ERBB4: variants seen among roughly 807,000 people sequenced by gnomAD.
ERBB4 encodes the protein erb-b2 receptor tyrosine kinase 4.
In ERBB4, 42 loss-of-function variants were observed where a neutral mutation model predicts 158.0. The ratio of observed to expected loss-of-function variants is 0.27; its 90% CI spans 0.21 to 0.34. The LOEUF (loss-of-function observed/expected upper bound fraction) is 0.34, where lower values mean the gene tolerates loss of function less well. Among genes scored for constraint, ERBB4 ranks in the 10% least tolerant of loss-of-function variants. The pLI, the probability that ERBB4 is intolerant of heterozygous loss-of-function variation, is 1.00. For synonymous variants in ERBB4, 583 were observed against 558.7 expected (o/e 1.04, Z -0.61); for missense variants, 1,333 against 1,624.1 (o/e 0.82, Z 3.08).
chr2:212,300,451 G>A lies in ERBB4; in HGVS notation c.83-175548C>T, dbSNP rs1169692538. On this transcript the variant is annotated intron_variant, in intron 1 of 27. Coordinates refer to ENST00000342788, the MANE Select transcript of ERBB4 (RefSeq NM_005235.3). ...TTTTTTAAGCAAGAGCTTCACAAAT[G>A]TGACCCTAAAATTTTAAGTAGAGTA... Among the ~76,000 whole-genome samples the A allele has an allele frequency of 3.3e-5, 5 of 151,690 alleles. No individual in the cohort carries two copies. The South Asian group carries it at 1.0e-3, about 31-fold the overall frequency.
At chr2:211,498,517 T>C (rs2065532948) in intron 20 of ERBB4, among the ~76,000 whole-genome samples, 1 of 152,148 alleles carries the variant, frequency 6.6e-6, no homozygotes. Context: ...ATTGTACTAA[T>C]TTCCCATTCA....
intron 1 of ERBB4, among the ~76,000 whole-genome samples, chr2:212,271,762 G>T (rs1432037146): frequency 6.6e-6 from 1 of 151,702 alleles, no homozygotes; most frequent in African/African-American, 2.4e-5. Context: ...AATTCCTCCA[G>T]ATAGAGTTGG....
intron 24 of ERBB4, among the ~76,000 whole-genome samples, chr2:211,421,327 T>C (rs1480272090): frequency 1.3e-5 from 2 of 151,954 alleles, no homozygotes; most frequent in Non-Finnish European, 2.9e-5. Flanking sequence ...AAATAAAGGC[T>C]ACCTTGCTTT....
At chr2:212,002,225 G>C (rs916266076) in intron 2 of ERBB4, among the ~76,000 whole-genome samples, 12 of 152,250 alleles carry the variant, frequency 7.9e-5, no homozygotes, top group Non-Finnish European at 1.6e-4. Context: ...AAAGTTTCCA[G>C]AGACTAGATG....
At chr2:211,872,065 T>C (rs1348173012) in intron 3 of ERBB4, among the ~76,000 whole-genome samples, 3 of 129,552 alleles carry the variant, frequency 2.3e-5, no homozygotes, top group Admixed American at 8.4e-5. Context: ...CAATAATTGC[T>C]TTTAATGATT....
chr2:211,453,054 A>G (rs2064288946), intron 20 of ERBB4, among the ~76,000 whole-genome samples: 3 of 152,122 alleles, frequency 2.0e-5, no homozygotes, highest in African/African-American at 4.8e-5. Context: ...TTTCTCTACT[A>G]CCAGATTGCA....
chr2:211,542,264 C>T (rs1016850332), intron 20 of ERBB4, among the ~76,000 whole-genome samples: 1 of 151,982 alleles, frequency 6.6e-6, no homozygotes. Flanking sequence ...GCTTGAGCAT[C>T]AGAATGAAGC....
intron 1 of ERBB4, among the ~76,000 whole-genome samples, chr2:212,278,955 G>A (rs1458647790): frequency 6.6e-6 from 1 of 151,496 alleles, no homozygotes; most frequent in East Asian, 1.9e-4. Context: ...GATCATAAAA[G>A]TTTTGGATGG....
chr2:211,481,508 A>G (rs1574575357), intron 20 of ERBB4, among the ~76,000 whole-genome samples: 1 of 151,724 alleles, frequency 6.6e-6, no homozygotes, highest in African/African-American at 2.4e-5. Flanking sequence ...ATAAGGTAAC[A>G]CACCAGGGCT....
chr2:211,604,071 A>T (rs1364150742), intron 19 of ERBB4, among the ~76,000 whole-genome samples: 2 of 152,196 alleles, frequency 1.3e-5, no homozygotes, highest in Non-Finnish European at 2.9e-5. Flanking sequence ...TTTCCTTGAC[A>T]CACTGCAGAT....
rs202029180 is a variant in ERBB4, at chr2:211,603,587, G to A, written c.2301+15590C>T. Among the ~76,000 whole-genome samples the A allele has an allele frequency of 3.1e-3, 476 of 152,278 alleles. 3 individuals are homozygous for A. Among genetic ancestry groups the A allele is most frequent in the South Asian group, 0.016 (75 of 4,828 alleles). ...AGAAGTATTAATTAAGTTTTTAGCA[G>A]TCACTTATCAGGTTGCCTCTCAAGT... On this transcript the variant is annotated intron_variant, in intron 19 of 27. Coordinates refer to ENST00000342788, the MANE Select transcript of ERBB4 (RefSeq NM_005235.3).
intron 15 of ERBB4, among the ~76,000 whole-genome samples, chr2:211,663,904 T>G (rs1305145703): frequency 6.6e-6 from 1 of 152,180 alleles, no homozygotes; most frequent in Non-Finnish European, 1.5e-5. Context: ...TTGTTTTTTT[T>G]TGTGAAATAC....
intron 1 of ERBB4, among the ~76,000 whole-genome samples, chr2:212,150,610 A>T (rs547883916): frequency 6.6e-6 from 1 of 152,156 alleles, no homozygotes; most frequent in South Asian, 2.1e-4. Context: ...TGAGAATCCA[A>T]TGGGTTAAGA....
At chr2:211,417,473 CAAAAAAGAA>C (rs1465964691) in intron 25 of ERBB4, among the ~76,000 whole-genome samples, 1 of 151,396 alleles carries the variant, frequency 6.6e-6, no homozygotes, top group African/African-American at 2.4e-5. Context: ...GATCCTGTCT[CAAAAAAGAA>C]AAAATTTTAA....
At chr2:212,009,054 GTTATATGTTTTTCTAAACAGAAATTT>G (rs2076320976) in intron 2 of ERBB4, among the ~76,000 whole-genome samples, 3 of 1,292 alleles carry the variant, frequency 2.3e-3, no homozygotes, top group Non-Finnish European at 7.7e-3. Flanking sequence ...AGAAATTTTA[GTTATATGTTTTTCTAAACAGAAATTT>G]TAGTTATATG....
rs568838103 is a variant in ERBB4 at position 211,630,147 on chromosome 2, C to T, written c.2079+315G>A. ...GAGATATTTTCAATGCAGATATTTT[C>T]TAGATCTGCTGCTATTGAGATATCC... On this transcript the variant is annotated intron_variant, in intron 17 of 27. Transcript: ENST00000342788. Among the ~76,000 whole-genome samples, 58 of 152,274 alleles carry T rather than the reference C, an allele frequency of 3.8e-4. 1 individual carries two copies. Among genetic ancestry groups the T allele is most frequent in the African/African-American group, 1.3e-3 (55 of 41,554 alleles).
At chr2:211,966,361 C>A (rs1575446844) in intron 2 of ERBB4, among the ~76,000 whole-genome samples, 1 of 152,070 alleles carries the variant, frequency 6.6e-6, no homozygotes, top group Non-Finnish European at 1.5e-5. Flanking sequence ...CCTGCCTCAG[C>A]CTCCTGAAGA....
At chr2:211,586,056 T>A (rs1345515290) in intron 19 of ERBB4, among the ~76,000 whole-genome samples, 1 of 152,162 alleles carries the variant, frequency 6.6e-6, no homozygotes, top group East Asian at 1.9e-4. Context: ...CTTCTTCCTA[T>A]CAAATGTGAT....
rs545720076 is a variant in ERBB4 at position 212,054,379 on chromosome 2, C to A, written c.234+70373G>T. The stretch of plus-strand genomic sequence containing the variant: ...AGGATAAAAAGAAGAGGTCTGGGAC[C>A]ATTTTAAGTTCTGTTTCAGAAAACA... On this transcript the variant is annotated intron_variant, in intron 2 of 27. Transcript: ENST00000342788. Among the ~76,000 whole-genome samples the A allele has an allele frequency of 5.9e-5, 9 of 152,122 alleles. No homozygotes were observed. In the South Asian group the frequency reaches 1.7e-3, roughly 28 times the overall value.
Sources: allele counts gnomAD v4.1 joint callset (sites outside exome capture counted in the v4.1 genomes callset), GRCh38; gene constraint gnomAD v4.1.1; transcripts MANE v1.5; gene names NCBI Gene and HGNC (gene_info 2026-07-23, HGNC 2026-07-21).